The following PELI1 variants were observed in gnomAD, a reference collection of about 807,000 sequenced individuals.
PELI1 encodes pellino E3 ubiquitin protein ligase 1.
A neutral mutation model predicts 41.3 loss-of-function variants in PELI1; 15 were observed. That is an observed-to-expected ratio of 0.36 (90% CI 0.24 to 0.56). The LOEUF is 0.56. PELI1 is among the 20% of genes least tolerant of loss of function. The pLI, the probability that PELI1 is intolerant of heterozygous loss-of-function variation, is 0.82. For synonymous variants in PELI1, 178 were observed against 180.1 expected, an observed-to-expected ratio of 0.99 and a Z score of 0.09; for missense variants, 403 against 525.5, an observed-to-expected ratio of 0.77 and a Z score of 2.28.
At chr2:64,123,755 T>C (rs1056625862) in intron 1 of PELI1, among the ~76,000 whole-genome samples, 2 of 152,180 alleles carry the variant, frequency 1.3e-5, no homozygotes, top group African/African-American at 4.8e-5. Flanking sequence ...AGATTAAACA[T>C]TAAGTTCTCA....
intron 1 of PELI1, among the ~76,000 whole-genome samples, chr2:64,114,061 G>A (rs1680909887): frequency 6.6e-6 from 1 of 152,076 alleles, no homozygotes; most frequent in Non-Finnish European, 1.5e-5. Context: ...TTCTATTTTA[G>A]TGGGCAAGTG....
chr2:64,138,894 A>C (rs1350039896), intron 1 of PELI1, among the ~76,000 whole-genome samples: 1 of 152,234 alleles, frequency 6.6e-6, no homozygotes, highest in African/African-American at 2.4e-5. Flanking sequence ...AAGAGGAAGT[A>C]AGAAACCTCA....
At chr2:64,099,921 T>G in intron 4 of PELI1, among the ~76,000 whole-genome samples, 1 of 152,234 alleles carries the variant, frequency 6.6e-6, no homozygotes, top group East Asian at 1.9e-4. Flanking sequence ...TGATTTCACA[T>G]AGATAATACA....
At chr2:64,114,836 T>C (rs549368262) in intron 1 of PELI1, among the ~76,000 whole-genome samples, 1 of 152,280 alleles carries the variant, frequency 6.6e-6, no homozygotes, top group South Asian at 2.1e-4. Context: ...ATCTCCCCAC[T>C]ACTCACTCCC....
At chr2:64,105,671 G>C (rs1680595453) in intron 2 of PELI1, among the ~76,000 whole-genome samples, 1 of 152,144 alleles carries the variant, frequency 6.6e-6, no homozygotes, top group African/African-American at 2.4e-5. Flanking sequence ...ATATTCTGAA[G>C]TGACACTGGC....
At chr2:64,109,594 C>T (rs1680737521) in intron 1 of PELI1, among the ~76,000 whole-genome samples, 4 of 152,238 alleles carry the variant, frequency 2.6e-5, no homozygotes, top group Admixed American at 6.5e-5. Context: ...GCAGGAGAAC[C>T]ACTTGAACCC....
At chr2:64,127,502 TTTTAAG>T (rs1681428663) in intron 1 of PELI1, among the ~76,000 whole-genome samples, 1 of 152,236 alleles carries the variant, frequency 6.6e-6, no homozygotes, top group Non-Finnish European at 1.5e-5. Context: ...TTGTTTTTTA[TTTTAAG>T]TTTATTTTAT....
intron 3 of PELI1, among the ~76,000 whole-genome samples, chr2:64,101,498 T>G (rs1169069048): frequency 6.6e-6 from 1 of 152,066 alleles, no homozygotes; most frequent in African/African-American, 2.4e-5. Context: ...TTGAAGATAA[T>G]ATCAAAGGAG....
intron 3 of PELI1, 99 bp from the exon 4 acceptor site, chr2:64,100,598 G>T: frequency 1.4e-6 from 1 of 735,878 alleles, no homozygotes; most frequent in South Asian, 1.5e-5. Flanking sequence ...TCAAATACAT[G>T]ACATATTTAT....
chr2:64,129,821 T>C (rs1346637610), intron 1 of PELI1, among the ~76,000 whole-genome samples: 1 of 152,224 alleles, frequency 6.6e-6, no homozygotes, highest in Non-Finnish European at 1.5e-5. Flanking sequence ...TACAATTGCT[T>C]GTATTGATGA....
chr2:64,131,014 C>T (rs1008524264), intron 1 of PELI1, among the ~76,000 whole-genome samples: 40 of 152,076 alleles, frequency 2.6e-4, no homozygotes, highest in African/African-American at 9.2e-4. Flanking sequence ...TAGAAATCAA[C>T]ACATAAAGAC....
intron 1 of PELI1, among the ~76,000 whole-genome samples, chr2:64,131,255 T>G (rs1038331261): frequency 6.8e-6 from 1 of 147,416 alleles, no homozygotes; most frequent in Non-Finnish European, 1.5e-5. Context: ...AAATTTTAAA[T>G]TTTGATATAT....
intron 3 of PELI1, among the ~76,000 whole-genome samples, chr2:64,101,866 C>T (rs1243626849): frequency 3.0e-5 from 4 of 131,980 alleles, no homozygotes; most frequent in Non-Finnish European, 6.1e-5. Context: ...CTCGCTCTGT[C>T]GCCTAGGTTG....
At chr2:64,114,803 C>A (rs1192552548) in intron 1 of PELI1, among the ~76,000 whole-genome samples, 2 of 152,176 alleles carry the variant, frequency 1.3e-5, no homozygotes, top group Non-Finnish European at 2.9e-5. Context: ...CTAGTTGTGA[C>A]TTTAAAAATG....
In PELI1 at chr2:64,112,875, C is replaced by T. The variant is rs374861362; in HGVS notation, c.-69-4496G>A. 5.9e-5 allele frequency among the ~76,000 whole-genome samples: 9 copies of T among 152,004 alleles called. No homozygotes were observed. In the East Asian group the frequency reaches 9.7e-4, roughly 16 times the overall value. On this transcript the variant is annotated intron_variant, in intron 1 of 6. Transcript: ENST00000358912. ...TCTGAAGAAAGATTCATGATCTTCC[C>T]AAAGGTTTATACTCTTTAACAAAGA...
In PELI1 at chr2:64,094,335, C is replaced by A; in HGVS notation, c.*367G>T. ...ATGTCGCTGTATTTTACAATGTTTG[C>A]AACAAACTGTAAACTAACATAGTTT... On this transcript the variant is annotated 3_prime_UTR_variant, in exon 7 of 7. Transcript: ENST00000358912. 1 of 172,972 alleles carries A rather than the reference C, an allele frequency of 5.8e-6. No individual in the cohort carries two copies. Among genetic ancestry groups the A allele is most frequent in the Non-Finnish European group, 1.2e-5 (1 of 80,574 alleles). 10.7% of individuals were successfully genotyped at this position (172,972 alleles called of 1,614,324 possible).
chr2:64,113,455 T>G (rs1680890663), intron 1 of PELI1, among the ~76,000 whole-genome samples: 1 of 152,178 alleles, frequency 6.6e-6, no homozygotes, highest in Non-Finnish European at 1.5e-5. Flanking sequence ...CAATGTTATC[T>G]AGCACCAAGA....
chr2:64,101,100 C>T (rs894127371), intron 3 of PELI1, among the ~76,000 whole-genome samples: 2 of 151,994 alleles, frequency 1.3e-5, no homozygotes, highest in Non-Finnish European at 2.9e-5. Context: ...AACCAAATCC[C>T]ACATAAAAAC....
At chr2:64,135,560 A>G (rs1576103611) in intron 1 of PELI1, among the ~76,000 whole-genome samples, 1 of 152,304 alleles carries the variant, frequency 6.6e-6, no homozygotes, top group East Asian at 1.9e-4. Context: ...GGCATGACTA[A>G]AGCTGGCAAA....
Sources: allele counts gnomAD v4.1 joint callset (sites outside exome capture counted in the v4.1 genomes callset), GRCh38; gene constraint gnomAD v4.1.1; transcripts MANE v1.5; gene names NCBI Gene and HGNC (gene_info 2026-07-23, HGNC 2026-07-21).